RNF13: variants seen among roughly 807,000 people sequenced by gnomAD.
The protein encoded by RNF13 is E3 ubiquitin-protein ligase RNF13.
In RNF13, 19 loss-of-function variants were observed where a neutral mutation model predicts 37.7. The observed-to-expected ratio is 0.50, with a 90% CI of 0.35 to 0.74. The LOEUF (loss-of-function observed/expected upper bound fraction) is 0.74. Ranked by LOEUF, RNF13 falls within the 30% of genes least tolerant of loss-of-function variation. RNF13 has a pLI of 0.01. For missense variants in RNF13, 375 were observed against 453.0 expected (o/e 0.83, Z 1.56); for synonymous variants, 144 against 157.8 (o/e 0.91, Z 0.65).
At position 149,852,549 on chromosome 3, in the gene RNF13, G is replaced by T; in HGVS notation, c.148G>T (p.Asp50Tyr). Residue 50 changes from aspartate (D) to tyrosine (Y), a missense_variant, in exon 3 of 10, where the codon GAC (aspartate) becomes TAC (tyrosine). Transcript: ENST00000392894. The part of the protein sequence containing the change: ...NFENASQTFD[D>Y]LPARFGYRLP... ...TGAAAATGCATCTCAGACATTTGATGACCTCCCTGCAAGATTTGGTTATAG... is the reference window on the plus strand; with the variant it reads ...TGAAAATGCATCTCAGACATTTGATTACCTCCCTGCAAGATTTGGTTATAG... 1 of 1,563,418 alleles carries T rather than the reference G, an allele frequency of 6.4e-7. No homozygotes were observed.
At chr3:149,911,689 T>A (rs1373783401) in intron 6 of RNF13, among the ~76,000 whole-genome samples, 1 of 151,428 alleles carries the variant, frequency 6.6e-6, no homozygotes, top group Non-Finnish European at 1.5e-5. Flanking sequence ...AATAAATAAA[T>A]AAATAACATA....
intron 4 of RNF13, among the ~76,000 whole-genome samples, chr3:149,881,606 C>T (rs1713413447): frequency 6.6e-6 from 1 of 152,208 alleles, no homozygotes; most frequent in Non-Finnish European, 1.5e-5. Flanking sequence ...GTTGGGATTA[C>T]AGGTGTGAGC....
intron 3 of RNF13, among the ~76,000 whole-genome samples, chr3:149,868,001 G>T (rs1414387167): frequency 6.6e-6 from 1 of 151,668 alleles, no homozygotes; most frequent in Non-Finnish European, 1.5e-5. Context: ...AATTTAAAGG[G>T]TGACATTTTA....
At chr3:149,926,280 C>G (rs961159927) in intron 8 of RNF13, among the ~76,000 whole-genome samples, 17 of 152,110 alleles carry the variant, frequency 1.1e-4, no homozygotes, top group Non-Finnish European at 2.2e-4. Context: ...GGTGTGATCT[C>G]AGCTCACTGC....
chr3:149,941,717 T>C (rs150176533), intron 8 of RNF13, among the ~76,000 whole-genome samples: 270 of 151,872 alleles, frequency 1.8e-3, no homozygotes, highest in Non-Finnish European at 2.8e-3. Context: ...ATTTTTTTCT[T>C]TTGTTGCCTG....
At chr3:149,955,819 A>C (rs1479621475) in intron 8 of RNF13, among the ~76,000 whole-genome samples, 1 of 152,160 alleles carries the variant, frequency 6.6e-6, no homozygotes, top group Non-Finnish European at 1.5e-5. Context: ...TTGATACCCG[A>C]ACTAGTTTGG....
At chr3:149,929,471 C>T (rs1718966123) in intron 8 of RNF13, among the ~76,000 whole-genome samples, 1 of 152,186 alleles carries the variant, frequency 6.6e-6, no homozygotes, top group South Asian at 2.1e-4. Flanking sequence ...AACCATATCA[C>T]AGATCATGTC....
rs979655100 is a variant in RNF13 at position 149,912,166 on chromosome 3, A to C, written c.606+83A>C. 10 of 696,916 alleles carry C rather than the reference A, an allele frequency of 1.4e-5. No homozygotes were observed. The African/African-American group carries it at 1.8e-4, about 13-fold the overall frequency. 43.2% of individuals were successfully genotyped at this position (696,916 alleles called of 1,614,324 possible). ...TTGTATTGAGTGAGAGAATTTAAACAATGTGTACATAAAAGAGTACATATT... is the reference window on the plus strand; with the variant it reads ...TTGTATTGAGTGAGAGAATTTAAACCATGTGTACATAAAAGAGTACATATT... On this transcript the variant is annotated intron_variant, in intron 7 of 9. Transcript: ENST00000392894.
At chr3:149,880,192 A>G (rs1713224463) in intron 4 of RNF13, among the ~76,000 whole-genome samples, 2 of 152,200 alleles carry the variant, frequency 1.3e-5, no homozygotes, top group African/African-American at 4.8e-5. Flanking sequence ...TTTTAAGTAC[A>G]GAAAGTTATC....
chr3:149,951,187 A>C (rs1340615904), intron 8 of RNF13, among the ~76,000 whole-genome samples: 1 of 152,094 alleles, frequency 6.6e-6, no homozygotes, highest in Non-Finnish European at 1.5e-5. Context: ...AGGCTTGGCT[A>C]CCAGTACTGG....
At chr3:149,950,597 C>A (rs1721226278) in intron 8 of RNF13, among the ~76,000 whole-genome samples, 1 of 152,070 alleles carries the variant, frequency 6.6e-6, no homozygotes, top group Non-Finnish European at 1.5e-5. Context: ...GCCTCAGCCT[C>A]CTGAATAGCT....
rs147913522 is a variant in RNF13 at position 149,833,791 on chromosome 3, G to A, written c.-16-12220G>A. Among the ~76,000 whole-genome samples, 431 of 152,268 alleles carry A rather than the reference G, an allele frequency of 2.8e-3. 2 individuals carry two copies. Among genetic ancestry groups the A allele is most frequent in the African/African-American group, 9.9e-3 (412 of 41,552 alleles). On this transcript the variant is annotated intron_variant, in intron 1 of 9. Transcript: ENST00000392894. ...ATTAGGCAAGAAAGAGAAATGAAAG[G>A]CATCAAAATTAGAAAGGAATAAGTA...
At chr3:149,841,727 C>T (rs1347174115) in intron 1 of RNF13, among the ~76,000 whole-genome samples, 1 of 152,150 alleles carries the variant, frequency 6.6e-6, no homozygotes, top group Non-Finnish European at 1.5e-5. Context: ...TCAAGTGATT[C>T]TCGTGCCTCA....
At chr3:149,859,621 T>A (rs1020861257) in intron 3 of RNF13, among the ~76,000 whole-genome samples, 2 of 152,294 alleles carry the variant, frequency 1.3e-5, no homozygotes, top group African/African-American at 4.8e-5. Flanking sequence ...TTTTACTAGA[T>A]TTTCTTAGTG....
chr3:149,945,366 G>T (rs1158674437), intron 8 of RNF13, among the ~76,000 whole-genome samples: 4 of 152,184 alleles, frequency 2.6e-5, no homozygotes, highest in Non-Finnish European at 2.9e-5. Flanking sequence ...AAGGCTGGGG[G>T]GTGGGGGGTG....
intron 3 of RNF13, among the ~76,000 whole-genome samples, chr3:149,853,634 G>A (rs866024563): frequency 4.6e-5 from 7 of 151,704 alleles, no homozygotes; most frequent in South Asian, 2.1e-4. Flanking sequence ...TCAGTTTTTC[G>A]TTTATCTTTT....
intron 4 of RNF13, among the ~76,000 whole-genome samples, chr3:149,883,032 G>C (rs2108465633): frequency 6.6e-6 from 1 of 152,200 alleles, no homozygotes; most frequent in East Asian, 1.9e-4. Flanking sequence ...CTGTACAACA[G>C]CAGCATTCTC....
chr3:149,917,641 C>T (rs1717681489), intron 7 of RNF13, among the ~76,000 whole-genome samples: 1 of 152,244 alleles, frequency 6.6e-6, no homozygotes, highest in South Asian at 2.1e-4. Context: ...TTTTACATTT[C>T]CAAAATATGT....
chr3:149,909,869 C>T (rs1233110254), intron 6 of RNF13, among the ~76,000 whole-genome samples: 2 of 151,476 alleles, frequency 1.3e-5, no homozygotes, highest in Non-Finnish European at 2.9e-5. Flanking sequence ...CTGAGCAACC[C>T]TGGGGCTTGT....
Sources: allele counts gnomAD v4.1 joint callset (sites outside exome capture counted in the v4.1 genomes callset), GRCh38; gene constraint gnomAD v4.1.1; transcripts MANE v1.5; gene names NCBI Gene and HGNC (gene_info 2026-07-23, HGNC 2026-07-21).